Variants in RSF1 observed in about 807,000 individuals in gnomAD.
RSF1 encodes the protein remodeling and spacing factor 1.
In RSF1, 13 loss-of-function variants were observed where a neutral mutation model predicts 145.2. The ratio of observed to expected loss-of-function variants is 0.09; its 90% confidence interval spans 0.06 to 0.14. The LOEUF (loss-of-function observed/expected upper bound fraction) is 0.14, where lower values mean the gene tolerates loss of function less well. RSF1 is among the 10% of genes least tolerant of loss of function. The pLI is 1.00. For missense variants in RSF1, 1,517 were observed against 1,718.2 expected (o/e 0.88, Z 2.07); for synonymous variants, 577 against 592.6 (o/e 0.97, Z 0.38).
intron 1 of RSF1, among the ~76,000 whole-genome samples, chr11:77,800,332 A>C (rs1948614528): frequency 6.6e-6 from 1 of 151,932 alleles, no homozygotes; most frequent in Non-Finnish European, 1.5e-5. Flanking sequence ...CCTCTACTAA[A>C]AATACAAAAC....
At chr11:77,850,062 G>A in the RSF1 span, among the ~76,000 whole-genome samples, 4 of 152,220 alleles carry the variant, frequency 2.6e-5, no homozygotes, top group African/African-American at 7.2e-5. Flanking sequence ...CTCAATAAAT[G>A]TTTGCTGAAT....
intron 4 of RSF1, among the ~76,000 whole-genome samples, chr11:77,737,339 T>C (rs2135904926): frequency 6.6e-6 from 1 of 151,806 alleles, no homozygotes; most frequent in East Asian, 1.9e-4. Flanking sequence ...TCCCAGCTAC[T>C]CAGGAGGCTG....
At chr11:77,810,408 CTT>C (rs1462924432) in intron 1 of RSF1, among the ~76,000 whole-genome samples, 2 of 152,142 alleles carry the variant, frequency 1.3e-5, no homozygotes, top group Non-Finnish European at 2.9e-5. Flanking sequence ...AACAAAAAAG[CTT>C]TTAGACTCAC....
At chr11:77,721,552 C>T (rs1960940892) in intron 5 of RSF1, among the ~76,000 whole-genome samples, 1 of 151,976 alleles carries the variant, frequency 6.6e-6, no homozygotes, top group Non-Finnish European at 1.5e-5. Context: ...GGAAAATTAC[C>T]GAAATCACTC....
chr11:77,861,046 T>C, the RSF1 span, among the ~76,000 whole-genome samples: 2 of 152,184 alleles, frequency 1.3e-5, no homozygotes, highest in Non-Finnish European at 2.9e-5. Flanking sequence ...AAGCGGGTAT[T>C]GCCTTTGGTA....
rs1590857414 is a variant in RSF1, at chr11:77,734,697, A to T, written c.578+6034T>A. The T allele has an allele frequency of 4.2e-6, 6 of 1,428,060 alleles. No homozygotes were observed. In the East Asian group the frequency reaches 1.4e-4, roughly 32 times the overall value. The allele number at this position is 1,428,060 out of a possible 1,614,324, so 88.5% of individuals were successfully genotyped here. A position where few individuals can be genotyped will look rare whatever the true frequency, so the allele number is the denominator to read the frequency against. ...GCAGTTCCAGTAGTGACTGATTCAC[A>T]TTTTTTTCCAAATGTAATGCACACT... On this transcript the variant is annotated intron_variant, in intron 4 of 15. Coordinates refer to ENST00000308488, the MANE Select transcript of RSF1 (RefSeq NM_016578.4).
chr11:77,818,214 T>C (rs893120570), intron 1 of RSF1, among the ~76,000 whole-genome samples: 11 of 152,206 alleles, frequency 7.2e-5, no homozygotes, highest in Admixed American at 7.2e-4. Flanking sequence ...TCTAATATTG[T>C]ATTCCTGTGA....
intron 2 of RSF1, chr11:77,763,348 A>AG (rs1948194754): frequency 1.3e-5 from 2 of 151,746 alleles, no homozygotes; most frequent in African/African-American, 2.4e-5. Flanking sequence ...TTTAAAAAAA[A>AG]AAAAAAAAAG....
intron 2 of RSF1, among the ~76,000 whole-genome samples, chr11:77,749,303 T>C (rs117351222): frequency 2.2e-4 from 33 of 152,320 alleles, no homozygotes; most frequent in Non-Finnish European, 4.3e-4. Flanking sequence ...TTTTCTGGTA[T>C]GTGAATATCT....
chr11:77,685,443 G>C (rs894607477), intron 9 of RSF1, among the ~76,000 whole-genome samples: 3 of 152,196 alleles, frequency 2.0e-5, no homozygotes, highest in East Asian at 1.9e-4. Flanking sequence ...TTACAGGTGA[G>C]AGCCACCACA....
At chr11:77,739,390 A>G (rs1961451253) in intron 4 of RSF1, 1 of 145,962 alleles carries the variant, frequency 6.9e-6, no homozygotes, top group Non-Finnish European at 1.5e-5. Flanking sequence ...TAATGTCATG[A>G]ATAGATCATA....
At chr11:77,742,692 C>G (rs991218641) in intron 3 of RSF1, among the ~76,000 whole-genome samples, 1 of 152,216 alleles carries the variant, frequency 6.6e-6, no homozygotes, top group Non-Finnish European at 1.5e-5. Context: ...TTTTAAAATG[C>G]ATTACCCTGA....
chr11:77,800,049 G>A (rs1266672306), intron 1 of RSF1, among the ~76,000 whole-genome samples: 3 of 152,172 alleles, frequency 2.0e-5, no homozygotes, highest in African/African-American at 7.2e-5. Context: ...GGAGGCTAAT[G>A]TGTGAGGATC....
At chr11:77,835,122 C>T in the RSF1 span, among the ~76,000 whole-genome samples, 1 of 152,174 alleles carries the variant, frequency 6.6e-6, no homozygotes, top group Non-Finnish European at 1.5e-5. Context: ...ATAGATCTAG[C>T]ATTGTTTGCA....
At chr11:77,760,712 C>T (rs1017871232) in intron 2 of RSF1, among the ~76,000 whole-genome samples, 8 of 151,992 alleles carry the variant, frequency 5.3e-5, no homozygotes, top group African/African-American at 1.7e-4. Flanking sequence ...CAAAAGGTGA[C>T]CTTTATGATT....
intron 15 of RSF1, among the ~76,000 whole-genome samples, chr11:77,670,064 T>C (rs1959480671): frequency 6.6e-6 from 1 of 152,188 alleles, no homozygotes; most frequent in Non-Finnish European, 1.5e-5. Flanking sequence ...AGATTGAGGC[T>C]ATGGTGAGCT....
chr11:77,790,152 T>C (rs1565181591), intron 1 of RSF1, among the ~76,000 whole-genome samples: 1 of 152,168 alleles, frequency 6.6e-6, no homozygotes, highest in Admixed American at 6.6e-5. Context: ...GACTGGACAA[T>C]TTACAAAAGA....
chr11:77,844,997 T>G, the RSF1 span, among the ~76,000 whole-genome samples: 31 of 152,328 alleles, frequency 2.0e-4, no homozygotes, highest in African/African-American at 7.2e-4. Flanking sequence ...TAGATCTCCC[T>G]TGGACTTGTT....
intron 5 of RSF1, among the ~76,000 whole-genome samples, chr11:77,703,962 C>T (rs906727684): frequency 3.9e-5 from 6 of 152,098 alleles, no homozygotes; most frequent in African/African-American, 1.2e-4. Context: ...AAATGAACAC[C>T]TTGTTTAACG....
Sources: gnomAD v4.1 joint callset for allele counts (sites outside exome capture counted in the v4.1 genomes callset) on GRCh38, gnomAD v4.1.1 for gene constraint, MANE v1.5 for transcripts, NCBI Gene and HGNC (gene_info 2026-07-23, HGNC 2026-07-21) for gene names.